Variants in RETREG2 observed in about 807,000 individuals in gnomAD.
RETREG2 encodes reticulophagy regulator family member 2.
Under a neutral mutation model 51.6 loss-of-function variants are expected in RETREG2, and 21 were observed. That is an observed-to-expected ratio of 0.41 (90% confidence interval 0.29 to 0.59). The LOEUF (loss-of-function observed/expected upper bound fraction) is 0.59, where lower values mean the gene tolerates loss of function less well. Ranked by LOEUF, RETREG2 falls within the 20% of genes least tolerant of loss-of-function variation. The pLI, the probability that RETREG2 is intolerant of heterozygous loss-of-function variation, is 0.34. For synonymous variants in RETREG2, 339 were observed against 288.6 expected (o/e 1.17, Z -1.77); for missense variants, 674 against 646.0 (o/e 1.04, Z -0.47).
intron 5 of RETREG2, 108 bp from the exon 6 acceptor site, chr2:219,180,954 T>G (rs905670115): frequency 7.8e-5 from 118 of 1,511,606 alleles, no homozygotes; most frequent in Admixed American, 5.4e-5. Context: ...GGCACAGCCT[T>G]GGGAAAGGAC....
Position 219,182,509 on chromosome 2 carries a change from T to G in RETREG2, c.1512T>G (p.Asn504Lys). The change falls in exon 9 of 9, where the codon AAT becomes AAG. Residue 504 changes from asparagine to lysine, a missense_variant. Coordinates refer to ENST00000430297, the MANE Select transcript of RETREG2 (RefSeq NM_024293.6). ...LLDQGELEQL[N>K]AELGLEPETP... is the part of the protein sequence containing the mutation. ...ATCAGGGGGAGCTGGAGCAGCTGAATGCAGAGCTGGGCTTGGAGCCAGAGA... is the reference window on the plus strand; with the variant it reads ...ATCAGGGGGAGCTGGAGCAGCTGAAGGCAGAGCTGGGCTTGGAGCCAGAGA... The G allele has an allele frequency of 1.2e-6, 2 of 1,614,060 alleles. No individual in the cohort carries two copies. The highest frequency in any genetic ancestry group is 1.7e-6 in the Non-Finnish European group (2 of 1,179,994).
At chr2:219,179,614 C>T (rs1225921994) in intron 2 of RETREG2, 119 bp from the exon 3 acceptor site, 8 of 879,936 alleles carry the variant, frequency 9.1e-6, no homozygotes, top group African/African-American at 1.7e-5. Context: ...AACAGCTCCC[C>T]CATTGGCATC....
chr2:219,178,865 A>T, intron 1 of RETREG2, 57 bp from the exon 2 acceptor site: 1 of 1,315,098 alleles, frequency 7.6e-7, no homozygotes, highest in South Asian at 1.3e-5. Context: ...ACCTTCTGAG[A>T]TGGATGCATG....
chr2:219,178,674 G>A lies in RETREG2; in HGVS notation c.281+41G>A, dbSNP rs923574395. 3.3e-5 allele frequency: 47 copies of A among 1,423,262 alleles called. No homozygotes were observed. In the African/African-American group the frequency reaches 3.6e-4, roughly 11 times the overall value. The allele number at this position is 1,423,262 out of a possible 1,614,324, so 88.2% of individuals were successfully genotyped here. A position where few individuals can be genotyped will look rare whatever the true frequency, so the allele number is the denominator to read the frequency against. On this transcript the variant is annotated intron_variant, in intron 1 of 8. Coordinates refer to ENST00000430297, the MANE Select transcript of RETREG2 (RefSeq NM_024293.6). ...GAGGGGGCGGGGCCGGGATGAGCGG[G>A]GGAGGGAGGGGTCGAGAGCACCATT...
intron 2 of RETREG2, among the ~76,000 whole-genome samples, chr2:219,179,313 A>G (rs1451522371): frequency 6.6e-6 from 1 of 152,212 alleles, no homozygotes; most frequent in African/African-American, 2.4e-5. Flanking sequence ...AAGTAGCTCA[A>G]TTTCTGTTTG....
rs1242927645 is a variant in RETREG2 at position 219,178,648 on chromosome 2, G to A, written c.281+15G>A. The A allele has an allele frequency of 7.0e-7, 1 of 1,438,802 alleles. No homozygotes were observed. Among genetic ancestry groups the A allele is most frequent in the East Asian group, 2.8e-5 (1 of 35,432 alleles). The allele number at this position is 1,438,802 out of a possible 1,614,324, so 89.1% of individuals were successfully genotyped here. ...GGCCTCTTCTGGTAACGGCCGCGGA[G>A]GAGGGGGCGGGGCCGGGATGAGCGG... On this transcript the variant is annotated intron_variant, in intron 1 of 8. Transcript: ENST00000430297.
In RETREG2 at chr2:219,178,918, TA is replaced by T; in HGVS notation, c.282-2del. ...CACTGCTGAGGTGCCTGTCTCTCCC[TA>T]AGGTTGCTGTCTTCCTCGTCCCTCC... is the stretch of plus-strand genomic sequence containing the variant. On this transcript the variant is annotated splice_polypyrimidine_tract_variant and splice_region_variant and intron_variant, in intron 1 of 8. Coordinates refer to ENST00000430297, the MANE Select transcript of RETREG2 (RefSeq NM_024293.6). The T allele has an allele frequency of 6.2e-7, 1 of 1,607,594 alleles. No homozygotes were observed. Among genetic ancestry groups the T allele is most frequent in the Non-Finnish European group, 8.5e-7 (1 of 1,174,786 alleles).
chr2:219,181,864 T>C, intron 8 of RETREG2, 89 bp downstream of exon 8: 1 of 1,561,286 alleles, frequency 6.4e-7, no homozygotes. Context: ...GCCCACTCAC[T>C]CTCTAATTCT....
At chr2:219,181,920 C>G in intron 8 of RETREG2, 93 bp from the exon 9 acceptor site, 1 of 1,562,472 alleles carries the variant, frequency 6.4e-7, no homozygotes, top group Non-Finnish European at 8.7e-7. Flanking sequence ...GCCCAGCTTT[C>G]CATGTCTTGA....
Position 219,181,386 on chromosome 2 carries a change from G to A in RETREG2, c.802G>A (p.Ala268Thr), listed in dbSNP as rs764311077. ...HDKRKRQGKN[A>T]PPGGDEPLAE... The stretch of plus-strand genomic sequence containing the variant: ...TTTTCTAGAGCGTCAGGGGAAGAAT[G>A]CACCCCCAGGAGGTGATGAGCCACT... The change falls in exon 7 of 9, where the codon GCA becomes ACA. Residue 268 changes from alanine to threonine, a missense_variant. By Grantham distance (58) the Ala-to-Thr change is moderately conservative. Transcript: ENST00000430297. 1.9e-6 allele frequency: 3 copies of A among 1,614,056 alleles called. No individual in the cohort carries two copies. The highest frequency in any genetic ancestry group is 1.7e-5 in the Admixed American group (1 of 60,020).
At chr2:219,179,824 G>A in intron 3 of RETREG2, 61 bp downstream of exon 3, 2 of 1,536,248 alleles carry the variant, frequency 1.3e-6, no homozygotes, top group Non-Finnish European at 1.8e-6. Context: ...GCTGGTGCCA[G>A]TGTCACCATG....
In RETREG2 at chr2:219,179,021, C is replaced by T. The variant is rs1950234600; in HGVS notation, c.381C>T (p.Asp127=). Residue 127 remains aspartate, a synonymous_variant, in exon 2 of 9, where the codon GAC becomes GAT. Transcript: ENST00000430297. Reference sequence around the variant, plus strand: ...TCTGGCAGCCTCGCTTTCTCCCTGACGTTTCAGGTGAGTGTTTCTTCATTC... The same window carrying T: ...TCTGGCAGCCTCGCTTTCTCCCTGATGTTTCAGGTGAGTGTTTCTTCATTC... ...LDLWQPRFLP[D]VSASSPEEPH... 1.2e-6 allele frequency: 2 copies of T among 1,607,898 alleles called. No homozygotes were observed. The highest frequency in any genetic ancestry group is 1.1e-5 in the South Asian group (1 of 90,970).
chr2:219,180,844 T>C, intron 5 of RETREG2, 90 bp downstream of exon 5: 5 of 1,467,068 alleles, frequency 3.4e-6, no homozygotes, highest in Non-Finnish European at 4.8e-6. Flanking sequence ...CTCTCTCTGC[T>C]CAGTTTCTGA....
Position 219,181,353 on chromosome 2 carries a change from A to G in RETREG2, c.785-16A>G. On this transcript the variant is annotated splice_polypyrimidine_tract_variant and intron_variant, in intron 6 of 8. Coordinates refer to ENST00000430297, the MANE Select transcript of RETREG2 (RefSeq NM_024293.6). ...ATTCATGCTTGGTCATTGCTCTACT[A>G]CTCTTGCTTTTCTAGAGCGTCAGGG... is the stretch of plus-strand genomic sequence containing the variant. 1.9e-6 allele frequency: 3 copies of G among 1,612,240 alleles called. No homozygotes were observed. The highest frequency in any genetic ancestry group is 2.5e-6 in the Non-Finnish European group (3 of 1,179,060).
In RETREG2 at chr2:219,180,137, G is replaced by C; in HGVS notation, c.447G>C (p.Pro149=). Reference sequence around the variant, plus strand: ...AGGGTGCGGGGTCAGGCGCCCGGCCGCACCTGCTGAGTGTGCCCGAGTTGT... The same window carrying C: ...AGGGTGCGGGGTCAGGCGCCCGGCCCCACCTGCTGAGTGTGCCCGAGTTGT... ...DSEGAGSGAR[P]HLLSVPELCR... The change falls in exon 4 of 9, where the codon CCG becomes CCC. Residue 149 remains proline (P), a synonymous_variant. Transcript: ENST00000430297. 1 of 1,614,120 alleles carries C rather than the reference G, an allele frequency of 6.2e-7. No homozygotes were observed. Among genetic ancestry groups the C allele is most frequent in the Non-Finnish European group, 8.5e-7 (1 of 1,180,010 alleles).
intron 1 of RETREG2, 133 bp downstream of exon 1, chr2:219,178,766 G>T (rs1048047641): frequency 3.4e-6 from 4 of 1,190,806 alleles, no homozygotes; most frequent in Non-Finnish European, 4.6e-6. Flanking sequence ...GCTGACATCC[G>T]CTTGAATTGC....
At position 219,182,000 on chromosome 2, in the gene RETREG2, G is replaced by C; in HGVS notation, c.1016-13G>C. 6.2e-7 allele frequency: 1 copy of C among 1,609,876 alleles called. No homozygotes were observed. Among genetic ancestry groups the C allele is most frequent in the Non-Finnish European group, 8.5e-7 (1 of 1,176,872 alleles). On this transcript the variant is annotated splice_polypyrimidine_tract_variant and intron_variant, in intron 8 of 8. Coordinates refer to ENST00000430297, the MANE Select transcript of RETREG2 (RefSeq NM_024293.6). ...GCAGCAGGCCCATTCTTAATTCTTTGTTCTCTGCACAGATTTGGACCAGCA... is the reference window on the plus strand; with the variant it reads ...GCAGCAGGCCCATTCTTAATTCTTTCTTCTCTGCACAGATTTGGACCAGCA...
At chr2:219,179,850 C>T in intron 3 of RETREG2, 87 bp downstream of exon 3, 1 of 1,433,074 alleles carries the variant, frequency 7.0e-7, no homozygotes, top group Non-Finnish European at 9.9e-7. Flanking sequence ...GGGCAGTGCC[C>T]CAGCATTGTG....
Position 219,182,264 on chromosome 2 carries a change from A to G in RETREG2, c.1267A>G (p.Lys423Glu), listed in dbSNP as rs767923777. 1.9e-6 allele frequency: 3 copies of G among 1,614,064 alleles called. No individual in the cohort carries two copies. The highest frequency in any genetic ancestry group is 8.5e-7 in the Non-Finnish European group (1 of 1,179,980). ...NGAGSPPDGV[K>E]CSPGGPVETL... ...GGCAGGGTCCCCCCCAGATGGAGTG[A>G]AATGCTCCCCTGGAGGACCAGTGGA... Residue 423 changes from lysine (K) to glutamate (E), a missense_variant, in exon 9 of 9, where the codon AAA becomes GAA. Physicochemically the swap from Lys to Glu is moderately conservative, Grantham distance 56 (BLOSUM62 1). Transcript: ENST00000430297.
Sources: allele counts gnomAD v4.1 joint callset (sites outside exome capture counted in the v4.1 genomes callset), GRCh38; gene constraint gnomAD v4.1.1; transcripts MANE v1.5; gene names NCBI Gene and HGNC (gene_info 2026-07-23, HGNC 2026-07-21).